MSRB3: variants seen among roughly 807,000 people sequenced by gnomAD.
MSRB3 encodes the protein methionine sulfoxide reductase B3, also known as methionine-R-sulfoxide reductase B3.
In MSRB3, 13 loss-of-function variants were observed where a neutral mutation model predicts 21.0. That is an observed-to-expected ratio of 0.62 (90% CI 0.40 to 0.98). The LOEUF is 0.98. Among genes scored for constraint, MSRB3 ranks in the 50% least tolerant of loss-of-function variants. MSRB3 has a pLI of 0.00. For missense variants in MSRB3, 199 were observed against 230.3 expected, an observed-to-expected ratio of 0.86 and a Z score of 0.88; for synonymous variants, 87 against 88.6, an observed-to-expected ratio of 0.98 and a Z score of 0.10.
intron 5 of MSRB3, among the ~76,000 whole-genome samples, chr12:65,406,642 G>T (rs956668764): frequency 1.3e-5 from 2 of 152,108 alleles, no homozygotes; most frequent in Non-Finnish European, 2.9e-5. Flanking sequence ...GCAATCTTGA[G>T]CAAAAGGAAC....
chr12:65,448,443 T>G (rs1882713929), intron 5 of MSRB3, among the ~76,000 whole-genome samples: 1 of 152,322 alleles, frequency 6.6e-6, no homozygotes, highest in Admixed American at 6.5e-5. Context: ...ATTAAAAGAT[T>G]GGAAAGGGGA....
intron 6 of MSRB3, among the ~76,000 whole-genome samples, chr12:65,461,175 A>G (rs1421179887): frequency 3.9e-5 from 6 of 152,178 alleles, no homozygotes; most frequent in Admixed American, 2.0e-4. Context: ...GTAATTGTGC[A>G]CACACACTGG....
intron 1 of MSRB3, among the ~76,000 whole-genome samples, chr12:65,288,043 G>C (rs1817163755): frequency 6.6e-6 from 1 of 151,812 alleles, no homozygotes; most frequent in Non-Finnish European, 1.5e-5. Flanking sequence ...GGTGGCTCTT[G>C]CCTGTAATCT....
chr12:65,299,952 A>G (rs980454032), intron 1 of MSRB3, among the ~76,000 whole-genome samples: 4 of 152,192 alleles, frequency 2.6e-5, no homozygotes, highest in Non-Finnish European at 5.9e-5. Flanking sequence ...TGAGCTATTA[A>G]TGTGGTTCCT....
At chr12:65,310,559 C>T (rs146024948) in intron 2 of MSRB3, among the ~76,000 whole-genome samples, 1 of 152,258 alleles carries the variant, frequency 6.6e-6, no homozygotes, top group East Asian at 1.9e-4. Context: ...AAGTACCCAG[C>T]ATAGTTCTTG....
At chr12:65,346,919 G>A (rs1876553379) in intron 4 of MSRB3, among the ~76,000 whole-genome samples, 1 of 152,044 alleles carries the variant, frequency 6.6e-6, no homozygotes, top group Non-Finnish European at 1.5e-5. Flanking sequence ...TATTTCTGAG[G>A]GCTCTGTTCT....
intron 2 of MSRB3, among the ~76,000 whole-genome samples, chr12:65,317,530 C>A (rs1336804807): frequency 6.6e-6 from 1 of 152,182 alleles, no homozygotes; most frequent in Non-Finnish European, 1.5e-5. Flanking sequence ...CCTTTCCCTT[C>A]TCACTCTGCA....
chr12:65,462,875 G>A (rs1013604552), intron 6 of MSRB3, among the ~76,000 whole-genome samples: 10 of 152,214 alleles, frequency 6.6e-5, no homozygotes, highest in Non-Finnish European at 1.3e-4. Flanking sequence ...AATTACTGCA[G>A]TCATTTTTCA....
At chr12:65,396,748 G>GAAAGAA (rs1347650494) in intron 5 of MSRB3, among the ~76,000 whole-genome samples, 5 of 145,178 alleles carry the variant, frequency 3.4e-5, no homozygotes, top group Non-Finnish European at 7.6e-5. Context: ...AAGAAAGAAA[G>GAAAGAA]AAAGAAAACC....
chr12:65,330,979 A>G (rs1312221848), intron 4 of MSRB3, among the ~76,000 whole-genome samples: 1 of 152,196 alleles, frequency 6.6e-6, no homozygotes, highest in African/African-American at 2.4e-5. Flanking sequence ...GACACAGAAT[A>G]CATCCGATTT....
At chr12:65,326,483 G>A (rs1875038148) in intron 2 of MSRB3, among the ~76,000 whole-genome samples, 1 of 151,844 alleles carries the variant, frequency 6.6e-6, no homozygotes, top group Non-Finnish European at 1.5e-5. Context: ...TTTGTAAATA[G>A]ACTTATGCTT....
At chr12:65,408,121 G>A (rs1324643630) in intron 5 of MSRB3, among the ~76,000 whole-genome samples, 1 of 151,888 alleles carries the variant, frequency 6.6e-6, no homozygotes, top group Non-Finnish European at 1.5e-5. Flanking sequence ...TTAAGATGGT[G>A]TCTTACTCTG....
chr12:65,406,669 C>T (rs1466406423), intron 5 of MSRB3, among the ~76,000 whole-genome samples: 1 of 152,200 alleles, frequency 6.6e-6, no homozygotes, highest in African/African-American at 2.4e-5. Context: ...TGCAGCATCA[C>T]ACCACCTGGT....
At chr12:65,406,208 T>C (rs1390033057) in intron 5 of MSRB3, among the ~76,000 whole-genome samples, 1 of 152,212 alleles carries the variant, frequency 6.6e-6, no homozygotes, top group African/African-American at 2.4e-5. Context: ...TTTCAAGTTT[T>C]ACATTTAAGT....
rs115756395 is a variant in MSRB3, at chr12:65,318,308, A to C, written c.77-8518A>C. Among the ~76,000 whole-genome samples, 1,232 of 152,232 alleles carry C rather than the reference A, an allele frequency of 8.1e-3. 18 individuals carry two copies. The highest frequency in any genetic ancestry group is 0.029 in the African/African-American group (1,192 of 41,550). ...ATTTTGTTTCTGGTGAAGTATACTC[A>C]ATGTTACATTTAAATAAAATTTGCA... On this transcript the variant is annotated intron_variant, in intron 2 of 6. Coordinates refer to ENST00000308259, the MANE Select transcript of MSRB3 (RefSeq NM_001031679.3).
chr12:65,282,286 C>T (rs980355632), intron 1 of MSRB3, among the ~76,000 whole-genome samples: 1 of 150,758 alleles, frequency 6.6e-6, no homozygotes, highest in African/African-American at 2.4e-5. Context: ...CACTGCACTC[C>T]AGCCTGGGCG....
At chr12:65,302,016 A>C (rs937696309) in intron 1 of MSRB3, among the ~76,000 whole-genome samples, 5 of 152,112 alleles carry the variant, frequency 3.3e-5, no homozygotes, top group African/African-American at 1.2e-4. Context: ...ATTTTTATAA[A>C]TTATTTAAGC....
chr12:65,323,205 G>A (rs1398555889), intron 2 of MSRB3, among the ~76,000 whole-genome samples: 2 of 152,212 alleles, frequency 1.3e-5, no homozygotes, highest in Admixed American at 1.3e-4. Flanking sequence ...GAAGCAGGCA[G>A]AGCCACAAAG....
chr12:65,278,763 C>G lies in MSRB3; in HGVS notation c.-154C>G, dbSNP rs1358892818. 6.3e-7 allele frequency: 1 copy of G among 1,578,492 alleles called. No individual in the cohort carries two copies. The highest frequency in any genetic ancestry group is 8.6e-7 in the Non-Finnish European group (1 of 1,163,784). ...CGGACACCGGCGGCGGCTGCCTGGCCTTTCCATGAGCCCGCGGCGGACCCT... is the reference window on the plus strand; with the variant it reads ...CGGACACCGGCGGCGGCTGCCTGGCGTTTCCATGAGCCCGCGGCGGACCCT... On this transcript the variant is annotated 5_prime_UTR_variant, in exon 1 of 7. Transcript: ENST00000308259.
Sources: gnomAD v4.1 joint callset for allele counts (sites outside exome capture counted in the v4.1 genomes callset) on GRCh38, gnomAD v4.1.1 for gene constraint, MANE v1.5 for transcripts, NCBI Gene and HGNC (gene_info 2026-07-23, HGNC 2026-07-21) for gene names.